Variants in TMEM196 observed in about 807,000 individuals in gnomAD.
The protein encoded by TMEM196 is transmembrane protein 196.
A neutral mutation model predicts 20.0 loss-of-function variants in TMEM196; 17 were observed. The ratio of observed to expected loss-of-function variants is 0.85; its 90% confidence interval spans 0.58 to 1.27. The LOEUF is 1.27. TMEM196 is among the 50% of genes most tolerant of loss of function. The pLI is 0.00. For synonymous variants in TMEM196, 113 were observed against 88.9 expected (o/e 1.27, Z -1.52); for missense variants, 267 against 223.0 (o/e 1.20, Z -1.26).
chr7:19,750,742 A>C (rs1784928995), intron 1 of TMEM196, among the ~76,000 whole-genome samples: 1 of 152,206 alleles, frequency 6.6e-6, no homozygotes, highest in African/African-American at 2.4e-5. Flanking sequence ...GAACTCAATA[A>C]AAATAACATC....
intron 1 of TMEM196, among the ~76,000 whole-genome samples, chr7:19,747,194 G>T (rs1336715342): frequency 2.0e-5 from 3 of 150,034 alleles, no homozygotes; most frequent in East Asian, 2.0e-4. Flanking sequence ...GGCGGAGCTT[G>T]CAGTTAGCCG....
intron 2 of TMEM196, 26 bp from the exon 3 acceptor site, chr7:19,725,794 T>C (rs1281040713): frequency 4.5e-6 from 7 of 1,564,714 alleles, no homozygotes. Context: ...AAGGCAGCGT[T>C]AAAGTTGAAA....
At chr7:19,766,520 A>G (rs1180901854) in intron 1 of TMEM196, among the ~76,000 whole-genome samples, 1 of 150,862 alleles carries the variant, frequency 6.6e-6, no homozygotes, top group African/African-American at 2.4e-5. Context: ...GTGTATGTGT[A>G]TATATATATA....
At position 19,730,489 on chromosome 7, in the gene TMEM196, T is replaced by C. The variant is rs969109053; in HGVS notation, c.148-1051A>G. Among the ~76,000 whole-genome samples the C allele has an allele frequency of 2.0e-5, 3 of 152,242 alleles. No homozygotes were observed. In the East Asian group the frequency reaches 5.8e-4, roughly 29 times the overall value. On this transcript the variant is annotated intron_variant, in intron 1 of 4. Coordinates refer to ENST00000405844, the MANE Select transcript of TMEM196 (RefSeq NM_001363562.2). Reference sequence around the variant, plus strand: ...TCACATACTTCTAACTTGAAATAGCTATATAAAATATTCATTAAGAAGTAA... The same window carrying C: ...TCACATACTTCTAACTTGAAATAGCCATATAAAATATTCATTAAGAAGTAA...
At chr7:19,747,161 A>G (rs186839325) in intron 1 of TMEM196, among the ~76,000 whole-genome samples, 36,150 of 150,496 alleles carry the variant, frequency 0.24, 5,079 homozygotes, top group East Asian at 0.54. Flanking sequence ...AGGCTGAGGC[A>G]GGAGAATGGC....
chr7:19,750,357 T>A (rs184345854), intron 1 of TMEM196, among the ~76,000 whole-genome samples: 5 of 152,372 alleles, frequency 3.3e-5, no homozygotes, highest in African/African-American at 1.2e-4. Context: ...AATTATTATT[T>A]GGCAGTTAAA....
chr7:19,743,642 C>T (rs1478269347), intron 1 of TMEM196, among the ~76,000 whole-genome samples: 1 of 152,096 alleles, frequency 6.6e-6, no homozygotes, highest in Non-Finnish European at 1.5e-5. Flanking sequence ...TATGGGAAAT[C>T]AACGAGTTAA....
chr7:19,741,702 C>A (rs10276518), intron 1 of TMEM196, among the ~76,000 whole-genome samples: 24,246 of 152,042 alleles, frequency 0.16, 2,413 homozygotes, highest in East Asian at 0.45. Flanking sequence ...AAAGACAGTA[C>A]TTTTGCACTG....
intron 1 of TMEM196, among the ~76,000 whole-genome samples, chr7:19,739,899 G>A (rs1210514689): frequency 6.6e-6 from 1 of 152,126 alleles, no homozygotes; most frequent in African/African-American, 2.4e-5. Flanking sequence ...AATGCTTATA[G>A]ATAAATTGAT....
intron 1 of TMEM196, among the ~76,000 whole-genome samples, chr7:19,740,745 C>G (rs749409565): frequency 7.2e-5 from 11 of 151,920 alleles, no homozygotes; most frequent in South Asian, 2.1e-4. Flanking sequence ...CTGCCTATAT[C>G]CAAGGCTGGT....
At chr7:19,763,930 T>C (rs1193864777) in intron 1 of TMEM196, among the ~76,000 whole-genome samples, 7 of 152,140 alleles carry the variant, frequency 4.6e-5, no homozygotes, top group Admixed American at 4.6e-4. Context: ...GCCTAAACAA[T>C]TAAAAAGTGC....
At chr7:19,761,305 C>G (rs1785425660) in intron 1 of TMEM196, among the ~76,000 whole-genome samples, 1 of 152,138 alleles carries the variant, frequency 6.6e-6, no homozygotes, top group South Asian at 2.1e-4. Flanking sequence ...TTTCCTTAAG[C>G]TCAAACTAAT....
In TMEM196 at chr7:19,722,137, G is replaced by C; in HGVS notation, c.534-3C>G. The stretch of plus-strand genomic sequence containing the variant: ...TTGCTCATGTTGTCTGTTATTTCCT[G>C]TTAGAAAAATGACATGATTAATTAA... On this transcript the variant is annotated splice_region_variant and splice_polypyrimidine_tract_variant and intron_variant, in intron 4 of 4. Transcript: ENST00000405844. The C allele has an allele frequency of 6.2e-7, 1 of 1,604,526 alleles. No homozygotes were observed. The highest frequency in any genetic ancestry group is 8.5e-7 in the Non-Finnish European group (1 of 1,175,456).
chr7:19,769,507 T>C (rs1785775048), intron 1 of TMEM196, among the ~76,000 whole-genome samples: 1 of 152,058 alleles, frequency 6.6e-6, no homozygotes, highest in South Asian at 2.1e-4. Flanking sequence ...TTTTTTGCCT[T>C]CATCTATGCT....
chr7:19,721,474 C>T lies in TMEM196; in HGVS notation c.*654G>A, dbSNP rs1477362848. On this transcript the variant is annotated 3_prime_UTR_variant, in exon 5 of 5. Coordinates refer to ENST00000405844, the MANE Select transcript of TMEM196 (RefSeq NM_001363562.2). Reference sequence around the variant, plus strand: ...CACATATAACTTTTCACTCTTTGTGCAAAAATGCAAAAATACCATATAGAT... The same window carrying T: ...CACATATAACTTTTCACTCTTTGTGTAAAAATGCAAAAATACCATATAGAT... The T allele has an allele frequency of 6.6e-6, 1 of 151,886 alleles. No individual in the cohort carries two copies. The highest frequency in any genetic ancestry group is 1.5e-5 in the Non-Finnish European group (1 of 67,848). 9.4% of individuals were successfully genotyped at this position (151,886 alleles called of 1,614,324 possible). A position where few individuals can be genotyped will look rare whatever the true frequency, so the allele number is the denominator to read the frequency against.
In TMEM196 at chr7:19,742,159, A is replaced by T. The variant is rs543311494; in HGVS notation, c.148-12721T>A. Among the ~76,000 whole-genome samples the T allele has an allele frequency of 2.0e-5, 3 of 152,302 alleles. No individual in the cohort carries two copies. The East Asian group carries it at 5.8e-4, about 29-fold the overall frequency. On this transcript the variant is annotated intron_variant, in intron 1 of 4. Coordinates refer to ENST00000405844, the MANE Select transcript of TMEM196 (RefSeq NM_001363562.2). ...AATATATTAGAAAATGTCTCAGGAC[A>T]TTAAAATATCAGAATACATTTTTAA...
intron 3 of TMEM196, among the ~76,000 whole-genome samples, chr7:19,724,684 G>T (rs1188742028): frequency 6.6e-6 from 1 of 152,238 alleles, no homozygotes; most frequent in African/African-American, 2.4e-5. Context: ...ATTATAAAGA[G>T]ATGTGCAGTA....
intron 1 of TMEM196, among the ~76,000 whole-genome samples, chr7:19,744,684 T>G (rs574758325): frequency 6.6e-6 from 1 of 152,210 alleles, no homozygotes; most frequent in African/African-American, 2.4e-5. Flanking sequence ...CCAGTTCCTT[T>G]ACTTTGCTGT....
chr7:19,744,893 A>G (rs1305882982), intron 1 of TMEM196, among the ~76,000 whole-genome samples: 1 of 152,202 alleles, frequency 6.6e-6, no homozygotes, highest in Non-Finnish European at 1.5e-5. Context: ...ATGCAAAACA[A>G]AAAAAGCCAA....
Sources: gnomAD v4.1 joint callset for allele counts (sites outside exome capture counted in the v4.1 genomes callset) on GRCh38, gnomAD v4.1.1 for gene constraint, MANE v1.5 for transcripts, NCBI Gene and HGNC (gene_info 2026-07-23, HGNC 2026-07-21) for gene names.